Variants in PDZD2 observed in about 807,000 individuals in gnomAD.
The protein encoded by PDZD2 is PDZ domain-containing protein 2.
A neutral mutation model predicts 220.7 loss-of-function variants in PDZD2; 90 were observed. The ratio of observed to expected loss-of-function variants is 0.41; its 90% CI spans 0.34 to 0.49. The LOEUF is 0.49. PDZD2 is among the 20% of genes least tolerant of loss of function. The pLI, the probability that PDZD2 is intolerant of heterozygous loss-of-function variation, is 0.28. For synonymous variants in PDZD2, 1,375 were observed against 1,450.5 expected, an observed-to-expected ratio of 0.95 and a Z score of 1.18; for missense variants, 3,174 against 3,608.5, an observed-to-expected ratio of 0.88 and a Z score of 3.08.
At chr5:31,953,891 C>T (rs6862194) in intron 2 of PDZD2, among the ~76,000 whole-genome samples, 27,560 of 151,944 alleles carry the variant, frequency 0.18, 2,585 homozygotes, top group South Asian at 0.27. Flanking sequence ...CCTCATCATC[C>T]GCCCACCTCG....
At chr5:32,094,684 A>G (rs1167831718) in intron 21 of PDZD2, among the ~76,000 whole-genome samples, 2 of 146,774 alleles carry the variant, frequency 1.4e-5, no homozygotes, top group African/African-American at 5.0e-5. Flanking sequence ...ACATAGTGAG[A>G]CCCCTCATCT....
At chr5:31,851,203 G>C (rs532733269) in intron 2 of PDZD2, among the ~76,000 whole-genome samples, 5 of 152,044 alleles carry the variant, frequency 3.3e-5, no homozygotes, top group African/African-American at 1.2e-4. Context: ...AAAATAAGAG[G>C]CATCAGATTG....
intron 2 of PDZD2, among the ~76,000 whole-genome samples, chr5:31,978,168 A>G (rs1249598104): frequency 1.3e-5 from 2 of 152,232 alleles, no homozygotes; most frequent in Non-Finnish European, 2.9e-5. Flanking sequence ...ATGGAGAAGC[A>G]TCTGAAAGAC....
intron 2 of PDZD2, among the ~76,000 whole-genome samples, chr5:31,911,870 C>T (rs1743239054): frequency 6.6e-6 from 1 of 152,204 alleles, no homozygotes; most frequent in African/African-American, 2.4e-5. Flanking sequence ...CCCTTGCCGC[C>T]TCTGTCACTC....
intron 1 of PDZD2, among the ~76,000 whole-genome samples, chr5:31,645,362 A>C (rs1245336809): frequency 8.4e-6 from 1 of 119,754 alleles, no homozygotes; most frequent in Non-Finnish European, 1.6e-5. Context: ...TTTGAGACGG[A>C]GTCTTGCTCT....
At chr5:31,922,836 GC>G (rs950306836) in intron 2 of PDZD2, among the ~76,000 whole-genome samples, 38 of 152,228 alleles carry the variant, frequency 2.5e-4, no homozygotes, top group African/African-American at 9.1e-4. Context: ...GCACCTCCAG[GC>G]CCAGCCGATT....
intron 2 of PDZD2, among the ~76,000 whole-genome samples, chr5:31,859,639 T>TTTTG (rs146259061): frequency 6.6e-6 from 1 of 152,196 alleles, no homozygotes; most frequent in Non-Finnish European, 1.5e-5. Flanking sequence ...ATTGCTAGTT[T>TTTTG]TTTGTTTGTT....
chr5:31,760,794 T>C (rs1751589003), intron 1 of PDZD2, among the ~76,000 whole-genome samples: 1 of 152,098 alleles, frequency 6.6e-6, no homozygotes, highest in South Asian at 2.1e-4. Context: ...CGGTGGTGTA[T>C]GCCTGTAATC....
At position 32,090,368 on chromosome 5, in the gene PDZD2, T is replaced by G; in HGVS notation, c.6920T>G (p.Leu2307Arg). The stretch of plus-strand genomic sequence containing the variant: ...ATTTCAGTCCAGGAGACGAGCTGCC[T>G]AGTCACAGACAAAATCAAAGTCACC... ...DIISVQETSC[L>R]VTDKIKVTRR... Residue 2307 changes from leucine (L) to arginine (R), a missense_variant, in exon 20 of 25, where the codon CTA becomes CGA. Physicochemically the swap from Leu to Arg is moderately radical, Grantham distance 102 (BLOSUM62 -2). Transcript: ENST00000438447. The surrounding 1 kb of genome is among the most constrained non-coding windows in gnomAD (Gnocchi z 4.3). 1 of 1,614,164 alleles carries G rather than the reference T, an allele frequency of 6.2e-7. No homozygotes were observed.
chr5:32,003,717 T>A (rs764919654), intron 5 of PDZD2, among the ~76,000 whole-genome samples: 4 of 152,160 alleles, frequency 2.6e-5, no homozygotes, highest in Non-Finnish European at 5.9e-5. Flanking sequence ...TTGTTTTTTG[T>A]TTTTGTTTTT....
chr5:32,085,463 T>G (rs1267648362), intron 19 of PDZD2, among the ~76,000 whole-genome samples: 1 of 150,118 alleles, frequency 6.7e-6, no homozygotes, highest in African/African-American at 2.5e-5. Context: ...TTTTTTTTTT[T>G]TGAGACGGAG....
intron 8 of PDZD2, 73 bp downstream of exon 8, chr5:32,048,757 A>G (rs1738229778): frequency 1.4e-6 from 2 of 1,469,298 alleles, no homozygotes; most frequent in Non-Finnish European, 1.9e-6. Context: ...CCATCCATAC[A>G]GGCCAGGAGT....
intron 2 of PDZD2, among the ~76,000 whole-genome samples, chr5:31,891,279 G>T (rs1056300269): frequency 3.3e-5 from 5 of 152,010 alleles, no homozygotes; most frequent in Admixed American, 6.6e-5. Flanking sequence ...TGGGGCTATA[G>T]ACATGTGCCA....
intron 1 of PDZD2, among the ~76,000 whole-genome samples, chr5:31,655,502 C>T (rs1481005338): frequency 2.6e-5 from 4 of 151,944 alleles, no homozygotes; most frequent in Non-Finnish European, 4.4e-5. Flanking sequence ...ATTTTACTGA[C>T]GTAATTTGCT....
intron 1 of PDZD2, among the ~76,000 whole-genome samples, chr5:31,694,793 A>ATTTTAT (rs201947093): frequency 0.013 from 1,448 of 114,684 alleles, 17 homozygotes; most frequent in African/African-American, 0.046. Flanking sequence ...TATTTTATTT[A>ATTTTAT]TTTATTTTTT....
At chr5:31,764,219 A>G (rs1414580595) in intron 1 of PDZD2, among the ~76,000 whole-genome samples, 1 of 152,184 alleles carries the variant, frequency 6.6e-6, no homozygotes, top group African/African-American at 2.4e-5. Context: ...CTCAAAGTAA[A>G]AGAGATGGAA....
chr5:32,087,971 A>C lies in PDZD2; in HGVS notation c.4523A>C (p.Asn1508Thr), dbSNP rs368213112. Reference sequence around the variant, plus strand: ...CAGCCTTCGGTTTTAGATTCAATTAATCCCGACAAACATTTTACTGTGAAC... The same window carrying C: ...CAGCCTTCGGTTTTAGATTCAATTACTCCCGACAAACATTTTACTGTGAAC... Reference protein sequence around the residue: ...ASQPSVLDSINPDKHFTVNKN... With the variant: ...ASQPSVLDSITPDKHFTVNKN... Residue 1508 changes from asparagine (N) to threonine (T), a missense_variant, in exon 20 of 25, where the codon AAT becomes ACT. Coordinates refer to ENST00000438447, the MANE Select transcript of PDZD2 (RefSeq NM_178140.4). This position sits in a 1 kb window ranked among gnomAD's most constrained non-coding sequence, Gnocchi z 4.0. 1.5e-5 allele frequency: 24 copies of C among 1,614,034 alleles called. 1 individual carries two copies. Among genetic ancestry groups the C allele is most frequent in the Non-Finnish European group, 2.0e-5 (24 of 1,180,008 alleles).
chr5:31,838,353 C>A (rs1274934658), intron 2 of PDZD2, among the ~76,000 whole-genome samples: 1 of 152,172 alleles, frequency 6.6e-6, no homozygotes, highest in Non-Finnish European at 1.5e-5. Flanking sequence ...CCACCATACC[C>A]CAGCAAGGTA....
At chr5:31,830,346 T>TTTTTTTTTTA (rs1425129306) in intron 2 of PDZD2, among the ~76,000 whole-genome samples, 1 of 148,112 alleles carries the variant, frequency 6.8e-6, no homozygotes, top group Non-Finnish European at 1.5e-5. Flanking sequence ...TTTTTTTTTT[T>TTTTTTTTTTA]TTTGTATTTT....
Sources: allele counts gnomAD v4.1 joint callset (sites outside exome capture counted in the v4.1 genomes callset), GRCh38; gene constraint gnomAD v4.1.1; non-coding constraint Gnocchi (gnomAD v3.1); transcripts MANE v1.5; gene names NCBI Gene and HGNC (gene_info 2026-07-23, HGNC 2026-07-21).